The following STK32A variants were observed in gnomAD, a reference collection of about 807,000 sequenced individuals.
The protein encoded by STK32A is serine/threonine-protein kinase 32A.
STK32A carries 41 observed loss-of-function variants against 53.2 expected under a neutral mutation model. The observed-to-expected ratio is 0.77, with a 90% CI of 0.60 to 1.00. The LOEUF is 1.00. Ranked by LOEUF, STK32A falls within the 50% of genes least tolerant of loss-of-function variation. The pLI is 0.00. For synonymous variants in STK32A, 166 were observed against 162.8 expected, an observed-to-expected ratio of 1.02 and a Z score of -0.15; for missense variants, 458 against 485.8, an observed-to-expected ratio of 0.94 and a Z score of 0.54.
intron 4 of STK32A, among the ~76,000 whole-genome samples, chr5:147,291,642 C>T (rs1356282568): frequency 2.0e-5 from 3 of 151,632 alleles, no homozygotes; most frequent in Non-Finnish European, 4.4e-5. Flanking sequence ...AATTAAAATC[C>T]AGTCCTTTCT....
At position 147,344,942 on chromosome 5, in the gene STK32A, A is replaced by T. The variant is rs114746478; in HGVS notation, c.472+1899A>T. Reference sequence around the variant, plus strand: ...TTCACCCTACTTCTATCATTAAGGCATCCTATTCTCCTTCAGTCAACTTCT... The same window carrying T: ...TTCACCCTACTTCTATCATTAAGGCTTCCTATTCTCCTTCAGTCAACTTCT... On this transcript the variant is annotated intron_variant, in intron 6 of 12. Transcript: ENST00000397936. Among the ~76,000 whole-genome samples the T allele has an allele frequency of 6.6e-3, 1,006 of 152,324 alleles. 13 individuals are homozygous for T. Among genetic ancestry groups the T allele is most frequent in the African/African-American group, 0.023 (965 of 41,566 alleles).
chr5:147,378,840 CTTTTTTTTTTTTTTTTTTTTTTTTTTTT>C (rs71001434), intron 11 of STK32A, among the ~76,000 whole-genome samples: 1 of 28,094 alleles, frequency 3.6e-5, no homozygotes, highest in East Asian at 6.7e-4. Flanking sequence ...TGCCTCCAGT[CTTTTTTTTTTTTTTTTTTTTTTTTTTTT>C]TTTTTTTTTT....
chr5:147,366,921 C>T (rs992105134), intron 8 of STK32A, among the ~76,000 whole-genome samples: 1 of 150,986 alleles, frequency 6.6e-6, no homozygotes, highest in Non-Finnish European at 1.5e-5. Flanking sequence ...CTTTCTAGAT[C>T]AGAACACCTA....
intron 6 of STK32A, chr5:147,348,579 G>A (rs1211213634): frequency 1.4e-6 from 1 of 699,526 alleles, no homozygotes; most frequent in Non-Finnish European, 2.7e-6. Context: ...ACTTCTACAT[G>A]AGCATACATA....
Position 147,381,082 on chromosome 5 carries a change from C to T in STK32A, c.1033-2359C>T, listed in dbSNP as rs759757171. Among the ~76,000 whole-genome samples the T allele has an allele frequency of 4.6e-5, 7 of 152,260 alleles. No homozygotes were observed. In the South Asian group the frequency reaches 6.2e-4, roughly 14 times the overall value. ...GCAGGACTCCTTTGAGCATTTCTTACAGGGAAGTTCTAGTGGTAATAAACT... is the reference window on the plus strand; with the variant it reads ...GCAGGACTCCTTTGAGCATTTCTTATAGGGAAGTTCTAGTGGTAATAAACT... On this transcript the variant is annotated intron_variant, in intron 11 of 12. Transcript: ENST00000397936.
At chr5:147,377,870 G>A (rs1757292028) in intron 11 of STK32A, among the ~76,000 whole-genome samples, 1 of 151,978 alleles carries the variant, frequency 6.6e-6, no homozygotes, top group South Asian at 2.1e-4. Context: ...CAGAGATGGG[G>A]CTTGGAACTG....
chr5:147,399,432 A>G, the STK32A span, among the ~76,000 whole-genome samples: 3,180 of 152,248 alleles, frequency 0.021, 100 homozygotes, highest in African/African-American at 0.072. Context: ...TGTCGTGACT[A>G]CTCAGGTAAA....
chr5:147,246,310 A>T (rs1393407153), intron 2 of STK32A, among the ~76,000 whole-genome samples: 3 of 152,192 alleles, frequency 2.0e-5, no homozygotes, highest in East Asian at 3.9e-4. Context: ...AACAAACTAG[A>T]AAGCCAGAAA....
rs545565056 is a variant in STK32A, at chr5:147,329,570, C to T, written c.434+5499C>T. ...ATCAAAAGGCTTTTAAATGTTGTGGCATGTGCCATAAAGAATGAAAGCTGT... is the reference window on the plus strand; with the variant it reads ...ATCAAAAGGCTTTTAAATGTTGTGGTATGTGCCATAAAGAATGAAAGCTGT... On this transcript the variant is annotated intron_variant, in intron 5 of 12. Coordinates refer to ENST00000397936, the MANE Select transcript of STK32A (RefSeq NM_001112724.2). Among the ~76,000 whole-genome samples, 43 of 152,352 alleles carry T rather than the reference C, an allele frequency of 2.8e-4. No homozygotes were observed. The South Asian group carries it at 8.3e-3, about 29-fold the overall frequency.
At chr5:147,289,720 G>A (rs559079018) in intron 4 of STK32A, among the ~76,000 whole-genome samples, 5 of 152,044 alleles carry the variant, frequency 3.3e-5, no homozygotes, top group African/African-American at 1.2e-4. Flanking sequence ...TTGAAAAACA[G>A]AAAATTACCT....
chr5:147,395,572 T>A, the STK32A span: 1 of 1,612,934 alleles, frequency 6.2e-7, no homozygotes. Flanking sequence ...ACAGGCTAAA[T>A]CCCGACTGAT....
chr5:147,315,195 C>G (rs1720163779), intron 4 of STK32A, among the ~76,000 whole-genome samples: 3 of 152,184 alleles, frequency 2.0e-5, no homozygotes, highest in African/African-American at 4.8e-5. Context: ...CATAGAGTTT[C>G]CATTTGATCC....
At chr5:147,321,953 A>T (rs1015858055) in intron 4 of STK32A, among the ~76,000 whole-genome samples, 1 of 152,198 alleles carries the variant, frequency 6.6e-6, no homozygotes, top group Admixed American at 6.5e-5. Flanking sequence ...CCTTGCTTAC[A>T]TCCCACAATC....
intron 9 of STK32A, 46 bp from the exon 10 acceptor site, chr5:147,373,123 C>A (rs140822037): frequency 6.3e-7 from 1 of 1,582,914 alleles, no homozygotes; most frequent in East Asian, 2.2e-5. Flanking sequence ...TTTTTTTTGT[C>A]CTTCTATCCT....
chr5:147,355,260 A>G (rs541042325), intron 7 of STK32A, among the ~76,000 whole-genome samples: 3 of 152,320 alleles, frequency 2.0e-5, no homozygotes, highest in Admixed American at 6.5e-5. Flanking sequence ...CAAGCAAGGA[A>G]GTTTTGCTTT....
intron 4 of STK32A, among the ~76,000 whole-genome samples, chr5:147,309,123 C>A (rs1358144777): frequency 6.6e-6 from 1 of 151,978 alleles, no homozygotes; most frequent in Non-Finnish European, 1.5e-5. Context: ...TCAGGTCCTG[C>A]AGGTGGTGAG....
At chr5:147,310,907 C>G (rs1024680247) in intron 4 of STK32A, among the ~76,000 whole-genome samples, 3 of 152,026 alleles carry the variant, frequency 2.0e-5, no homozygotes, top group South Asian at 4.2e-4. Flanking sequence ...AATTAAATCT[C>G]CAGAGCCAGT....
intron 11 of STK32A, among the ~76,000 whole-genome samples, chr5:147,380,286 C>A (rs1280239484): frequency 6.6e-6 from 1 of 151,956 alleles, no homozygotes; most frequent in East Asian, 1.9e-4. Flanking sequence ...TACTGGAAAC[C>A]CTCAGGATTA....
At chr5:147,308,553 A>G (rs1753536067) in intron 4 of STK32A, among the ~76,000 whole-genome samples, 1 of 152,150 alleles carries the variant, frequency 6.6e-6, no homozygotes, top group African/African-American at 2.4e-5. Flanking sequence ...TTGCACATGC[A>G]TTGAGAACAA....
Sources: allele counts gnomAD v4.1 joint callset (sites outside exome capture counted in the v4.1 genomes callset), GRCh38; gene constraint gnomAD v4.1.1; transcripts MANE v1.5; gene names NCBI Gene and HGNC (gene_info 2026-07-23, HGNC 2026-07-21).